TNFSF4: variants seen among roughly 807,000 people sequenced by gnomAD.
TNFSF4 encodes the protein tumor necrosis factor ligand superfamily member 4.
TNFSF4 carries 4 observed loss-of-function variants against 7.3 expected under a neutral mutation model. That is an observed-to-expected ratio of 0.55 (90% CI 0.27 to 1.25). The LOEUF (loss-of-function observed/expected upper bound fraction) is 1.25. Among genes scored for constraint, TNFSF4 ranks in the 50% most tolerant of loss-of-function variants. The pLI, the probability that TNFSF4 is intolerant of heterozygous loss-of-function variation, is 0.12. For missense variants in TNFSF4, 181 were observed against 208.8 expected (o/e 0.87, Z 0.82); for synonymous variants, 76 against 83.7 (o/e 0.91, Z 0.50).
At chr1:173,375,335 C>T in the TNFSF4 span, among the ~76,000 whole-genome samples, 345 of 152,292 alleles carry the variant, frequency 2.3e-3, 1 homozygote, top group Middle Eastern at 0.017. Flanking sequence ...GCAAGGCCCC[C>T]TCTTTGCCCC....
the TNFSF4 span, among the ~76,000 whole-genome samples, chr1:173,366,168 C>CTGCAACCCCATGTTTGT: frequency 6.6e-6 from 1 of 152,168 alleles, no homozygotes; most frequent in East Asian, 1.9e-4. Flanking sequence ...GAAGAGATAT[C>CTGCAACCCCATGTTTGT]TGCACCCCCA....
chr1:173,310,423 A>G, the TNFSF4 span, among the ~76,000 whole-genome samples: 1 of 151,892 alleles, frequency 6.6e-6, no homozygotes, highest in East Asian at 1.9e-4. Flanking sequence ...ATTCAGAAAT[A>G]TATTTCTTAA....
At chr1:173,428,467 T>C in the TNFSF4 span, among the ~76,000 whole-genome samples, 1 of 152,178 alleles carries the variant, frequency 6.6e-6, no homozygotes, top group Non-Finnish European at 1.5e-5. Context: ...AAGGGGAATC[T>C]ATGGAATAAA....
chr1:173,220,994 G>A, the TNFSF4 span, among the ~76,000 whole-genome samples: 1 of 152,178 alleles, frequency 6.6e-6, no homozygotes, highest in African/African-American at 2.4e-5. Context: ...GCCATCAAAG[G>A]CCTCTCTGTG....
the TNFSF4 span, among the ~76,000 whole-genome samples, chr1:173,328,543 TA>T: frequency 5.1e-4 from 68 of 134,276 alleles, no homozygotes; most frequent in African/African-American, 1.4e-3. Context: ...ATCTTCGTAA[TA>T]AAAAAAAAAG....
At chr1:173,449,100 T>C in the TNFSF4 span, among the ~76,000 whole-genome samples, 1 of 152,098 alleles carries the variant, frequency 6.6e-6, no homozygotes, top group Non-Finnish European at 1.5e-5. Flanking sequence ...GTCCTCACAA[T>C]AGTGAGTGAG....
chr1:173,376,291 G>C, the TNFSF4 span, among the ~76,000 whole-genome samples: 1,115 of 152,314 alleles, frequency 7.3e-3, 6 homozygotes, highest in Middle Eastern at 0.017. Context: ...CCTTTGCAGG[G>C]ACATGGATGA....
chr1:173,289,613 A>C, the TNFSF4 span, among the ~76,000 whole-genome samples: 1 of 152,166 alleles, frequency 6.6e-6, no homozygotes, highest in Non-Finnish European at 1.5e-5. Context: ...CCAAGAAATG[A>C]CACTAATGGC....
chr1:173,380,465 T>A, the TNFSF4 span, among the ~76,000 whole-genome samples: 3 of 152,128 alleles, frequency 2.0e-5, no homozygotes, highest in African/African-American at 7.2e-5. Flanking sequence ...CTGATCATAG[T>A]AACTTCTGAG....
the TNFSF4 span, among the ~76,000 whole-genome samples, chr1:173,321,396 A>G: frequency 6.6e-6 from 1 of 152,202 alleles, no homozygotes; most frequent in Non-Finnish European, 1.5e-5. Context: ...CCTAGGCAAT[A>G]CCATTCAGGA....
the TNFSF4 span, among the ~76,000 whole-genome samples, chr1:173,436,423 G>A: frequency 6.6e-6 from 1 of 152,068 alleles, no homozygotes; most frequent in Non-Finnish European, 1.5e-5. Flanking sequence ...GTTTTGTTTT[G>A]TTTTGAGACG....
the TNFSF4 span, among the ~76,000 whole-genome samples, chr1:173,356,463 T>C: frequency 6.6e-6 from 1 of 152,228 alleles, no homozygotes; most frequent in Non-Finnish European, 1.5e-5. Flanking sequence ...CTCTTTCATT[T>C]TTCGTAATGC....
At chr1:173,263,706 C>A in the TNFSF4 span, among the ~76,000 whole-genome samples, 1 of 140,408 alleles carries the variant, frequency 7.1e-6, no homozygotes, top group African/African-American at 2.6e-5. Context: ...TGAGATGGCC[C>A]TTCAGAGATG....
chr1:173,447,673 G>T, the TNFSF4 span, among the ~76,000 whole-genome samples: 2 of 151,328 alleles, frequency 1.3e-5, no homozygotes, highest in African/African-American at 4.9e-5. Context: ...ACAGAAAAAA[G>T]AAAAAAAGAG....
At chr1:173,203,123 G>GA (rs1168375252) in intron 1 of TNFSF4, among the ~76,000 whole-genome samples, 1 of 152,034 alleles carries the variant, frequency 6.6e-6, no homozygotes, top group African/African-American at 2.4e-5. Flanking sequence ...ACACTCAATG[G>GA]AAAAAAATCT....
At chr1:173,297,100 T>A in the TNFSF4 span, among the ~76,000 whole-genome samples, 1 of 151,968 alleles carries the variant, frequency 6.6e-6, no homozygotes, top group Non-Finnish European at 1.5e-5. Context: ...GTCCTCATGA[T>A]GTCTAGTGGG....
chr1:173,198,096 G>T (rs2101993679), intron 1 of TNFSF4, among the ~76,000 whole-genome samples: 1 of 152,324 alleles, frequency 6.6e-6, no homozygotes, highest in Non-Finnish European at 1.5e-5. Flanking sequence ...ACTGCAGTCA[G>T]TCTCTTTATT....
At chr1:173,312,778 A>G in the TNFSF4 span, among the ~76,000 whole-genome samples, 2 of 152,134 alleles carry the variant, frequency 1.3e-5, no homozygotes, top group African/African-American at 2.4e-5. Context: ...AGAACCCAGA[A>G]GAGGCTAAAA....
the TNFSF4 span, among the ~76,000 whole-genome samples, chr1:173,287,948 G>A: frequency 1.3e-5 from 2 of 152,192 alleles, no homozygotes; most frequent in East Asian, 1.9e-4. Flanking sequence ...ACATCTTGAT[G>A]AGGCAGTTAC....
Sources: gnomAD v4.1 joint callset for allele counts (sites outside exome capture counted in the v4.1 genomes callset) on GRCh38, gnomAD v4.1.1 for gene constraint, MANE v1.5 for transcripts, NCBI Gene and HGNC (gene_info 2026-07-23, HGNC 2026-07-21) for gene names.